Variants in TLE4 observed in about 807,000 individuals in gnomAD.
TLE4 encodes transducin-like enhancer protein 4.
Under a neutral mutation model 92.8 loss-of-function variants are expected in TLE4, and 8 were observed. The ratio of observed to expected loss-of-function variants is 0.09; its 90% CI spans 0.05 to 0.16. The LOEUF is 0.16. Ranked by LOEUF, TLE4 falls within the 10% of genes least tolerant of loss-of-function variation. The pLI, the probability that TLE4 is intolerant of heterozygous loss-of-function variation, is 1.00. For synonymous variants in TLE4, 371 were observed against 374.1 expected, an observed-to-expected ratio of 0.99 and a Z score of 0.10; for missense variants, 675 against 997.6, an observed-to-expected ratio of 0.68 and a Z score of 4.36.
intron 6 of TLE4, among the ~76,000 whole-genome samples, chr9:79,646,783 T>C (rs1477500076): frequency 3.9e-5 from 6 of 152,188 alleles, no homozygotes; most frequent in Non-Finnish European, 7.4e-5. Context: ...GGTGACTTAA[T>C]TTCATTTTAT....
At chr9:79,696,239 A>C (rs1218685485) in intron 8 of TLE4, among the ~76,000 whole-genome samples, 2 of 152,244 alleles carry the variant, frequency 1.3e-5, no homozygotes, top group African/African-American at 4.8e-5. Flanking sequence ...AGATGACCAC[A>C]GTTAATTTTA....
At chr9:79,673,894 G>A (rs963675228) in intron 8 of TLE4, among the ~76,000 whole-genome samples, 3 of 152,012 alleles carry the variant, frequency 2.0e-5, no homozygotes, top group African/African-American at 4.8e-5. Flanking sequence ...TTCCAGTCAC[G>A]CCTCTCCATG....
In TLE4 at chr9:79,572,657, G is replaced by C. The variant is rs978218920; in HGVS notation, c.-134G>C. ...CCGCCCGTGTCACGCGAGACCCGGC[G>C]GGGGCCGGGACCGCCCGAGCCGCCC... On this transcript the variant is annotated 5_prime_UTR_variant, in exon 1 of 20. Coordinates refer to ENST00000376552, the MANE Select transcript of TLE4 (RefSeq NM_007005.6). 1.6e-6 allele frequency: 1 copy of C among 627,226 alleles called. No homozygotes were observed. Among genetic ancestry groups the C allele is most frequent in the African/African-American group, 2.0e-5 (1 of 50,940 alleles). 38.9% of individuals were successfully genotyped at this position (627,226 alleles called of 1,614,324 possible). A position where few individuals can be genotyped will look rare whatever the true frequency, so the allele number is the denominator to read the frequency against.
At chr9:79,652,184 T>C (rs2059123472) in intron 6 of TLE4, among the ~76,000 whole-genome samples, 1 of 152,040 alleles carries the variant, frequency 6.6e-6, no homozygotes, top group Non-Finnish European at 1.5e-5. Context: ...GTGTTGGCTT[T>C]TTTCTTTTTC....
At chr9:79,686,140 A>T (rs2065802920) in intron 8 of TLE4, among the ~76,000 whole-genome samples, 1 of 152,292 alleles carries the variant, frequency 6.6e-6, no homozygotes, top group East Asian at 1.9e-4. Flanking sequence ...TTATATGCAG[A>T]TACTATATCA....
At chr9:79,661,291 G>A (rs1264170971) in intron 8 of TLE4, among the ~76,000 whole-genome samples, 1 of 152,144 alleles carries the variant, frequency 6.6e-6, no homozygotes, top group Non-Finnish European at 1.5e-5. Flanking sequence ...CACTCATGGG[G>A]TAGTTTAATA....
At chr9:79,618,965 T>C (rs912587695) in intron 5 of TLE4, among the ~76,000 whole-genome samples, 1 of 152,192 alleles carries the variant, frequency 6.6e-6, no homozygotes, top group African/African-American at 2.4e-5. Context: ...TTTATACTTA[T>C]TTTACCTGGG....
intron 8 of TLE4, among the ~76,000 whole-genome samples, chr9:79,656,845 T>A (rs868099698): frequency 1.3e-5 from 2 of 152,350 alleles, no homozygotes; most frequent in Non-Finnish European, 1.5e-5. Context: ...ACTTTACCTT[T>A]AGATGCCAAG....
chr9:79,684,398 A>G (rs1255077098), intron 8 of TLE4, among the ~76,000 whole-genome samples: 2 of 151,978 alleles, frequency 1.3e-5, no homozygotes, highest in African/African-American at 4.8e-5. Context: ...TTACCACCTG[A>G]GCTCCACCTC....
intron 16 of TLE4, 115 bp downstream of exon 16, chr9:79,720,408 GTGTGTGTGTGTGTGTGTA>G (rs2075415677): frequency 8.1e-7 from 1 of 1,231,140 alleles, no homozygotes; most frequent in African/African-American, 1.6e-5. Flanking sequence ...GTGTGTGTGT[GTGTGTGTGTGTGTGTGTA>G]AAGTGATATA....
chr9:79,617,784 G>T (rs1015172364), intron 5 of TLE4, among the ~76,000 whole-genome samples: 27 of 150,576 alleles, frequency 1.8e-4, no homozygotes, highest in Non-Finnish European at 3.2e-4. Flanking sequence ...GGACCTCACT[G>T]AATGTTTGGC....
chr9:79,646,931 C>T (rs988077207), intron 6 of TLE4, among the ~76,000 whole-genome samples: 1 of 152,140 alleles, frequency 6.6e-6, no homozygotes, highest in Admixed American at 6.5e-5. Context: ...GTAGCTGCCT[C>T]TCATTTATTC....
At chr9:79,660,126 T>A (rs1442553416) in intron 8 of TLE4, among the ~76,000 whole-genome samples, 1 of 152,184 alleles carries the variant, frequency 6.6e-6, no homozygotes, top group African/African-American at 2.4e-5. Flanking sequence ...CACTGAAACA[T>A]TTAGAATATG....
chr9:79,704,786 T>C lies in TLE4; in HGVS notation c.613T>C (p.Ser205Pro), dbSNP rs1368876036. ...HQRDRDSIKS[S>P]SVSPSASFRG... is the part of the protein sequence containing the mutation. ...CTTCCTCTCCTTCTAATTCCAGAGC[T>C]CTTCAGTATCCCCATCAGCCAGTTT... Residue 205 changes from serine (S) to proline (P), a missense_variant, in exon 9 of 20, where the codon TCT becomes CCT. Physicochemically the swap from Ser to Pro is moderately conservative, Grantham distance 74 (BLOSUM62 -1). This residue lies in a region of TLE4 where 280 missense variants were observed against 287.3 expected (regional missense o/e 0.97). Coordinates refer to ENST00000376552, the MANE Select transcript of TLE4 (RefSeq NM_007005.6). The C allele has an allele frequency of 2.5e-6, 4 of 1,613,582 alleles. No homozygotes were observed. In the South Asian group the frequency reaches 4.4e-5, roughly 18 times the overall value.
chr9:79,681,401 C>T (rs905741780), intron 8 of TLE4, among the ~76,000 whole-genome samples: 11 of 152,070 alleles, frequency 7.2e-5, no homozygotes, highest in South Asian at 6.2e-4. Context: ...TGATGAAGAG[C>T]TTGCTTCATA....
chr9:79,590,207 A>G (rs563756884), intron 4 of TLE4, among the ~76,000 whole-genome samples: 1 of 152,332 alleles, frequency 6.6e-6, no homozygotes, highest in Non-Finnish European at 1.5e-5. Context: ...GTGAAAAAAC[A>G]ATAGCAGTTC....
chr9:79,617,243 G>A (rs2049864600), intron 5 of TLE4, among the ~76,000 whole-genome samples: 1 of 151,962 alleles, frequency 6.6e-6, no homozygotes, highest in South Asian at 2.1e-4. Flanking sequence ...TCTTTCAGGA[G>A]GAAGGGAATT....
At chr9:79,679,816 GT>G (rs1206774053) in intron 8 of TLE4, among the ~76,000 whole-genome samples, 1 of 152,086 alleles carries the variant, frequency 6.6e-6, no homozygotes, top group Non-Finnish European at 1.5e-5. Flanking sequence ...AAGGGATCCA[GT>G]TTCAGCTTTC....
intron 6 of TLE4, among the ~76,000 whole-genome samples, chr9:79,628,324 C>A (rs1341339413): frequency 2.7e-5 from 4 of 149,272 alleles, no homozygotes; most frequent in Non-Finnish European, 4.5e-5. Flanking sequence ...TTTTTTTTTT[C>A]TGTCAGTGTA....
Sources: allele counts gnomAD v4.1 joint callset (sites outside exome capture counted in the v4.1 genomes callset), GRCh38; gene constraint gnomAD v4.1.1; regional missense constraint gnomAD v4.1.1; transcripts MANE v1.5; gene names NCBI Gene and HGNC (gene_info 2026-07-23, HGNC 2026-07-21).